NTM: variants seen among roughly 807,000 people sequenced by gnomAD.
NTM encodes the protein neurotrimin, also known as IgLON family member 2.
A neutral mutation model predicts 42.1 loss-of-function variants in NTM; 13 were observed. That is an observed-to-expected ratio of 0.31 (90% confidence interval 0.20 to 0.49). The LOEUF is 0.49. Ranked by LOEUF, NTM falls within the 20% of genes least tolerant of loss-of-function variation. The pLI is 0.99. For synonymous variants in NTM, 187 were observed against 179.2 expected (o/e 1.04, Z -0.35); for missense variants, 373 against 452.8 (o/e 0.82, Z 1.60).
rs200857259 is a variant in NTM, at chr11:131,889,786, AC to A, written c.83-21775del. Reference sequence around the variant, plus strand: ...AAACTGGGGGAAGGAAAGTACAGGAACCCAAGAGGCATGGAGCACTGTAGCG... The same window carrying A: ...AAACTGGGGGAAGGAAAGTACAGGAACCAAGAGGCATGGAGCACTGTAGCG... On this transcript the variant is annotated intron_variant, in intron 1 of 8. Transcript: ENST00000683400. Among the ~76,000 whole-genome samples the A allele has an allele frequency of 6.9e-3, 1,051 of 152,180 alleles. 12 individuals carry two copies. Among genetic ancestry groups the A allele is most frequent in the African/African-American group, 0.024 (1,004 of 41,544 alleles).
In NTM at chr11:131,849,050, G is replaced by A. The variant is rs116228697; in HGVS notation, c.83-62514G>A. ...TATAATCATTTCTCCTAATAATGAC[G>A]TGAGGCTAAATGAACTCATTACCGT... On this transcript the variant is annotated intron_variant, in intron 1 of 8. Transcript: ENST00000683400. Among the ~76,000 whole-genome samples, 441 of 152,188 alleles carry A rather than the reference G, an allele frequency of 2.9e-3. 1 individual carries two copies. The highest frequency in any genetic ancestry group is 0.01 in the African/African-American group (416 of 41,506).
intron 1 of NTM, among the ~76,000 whole-genome samples, chr11:131,671,738 A>G (rs1489428947): frequency 6.6e-6 from 1 of 152,214 alleles, no homozygotes; most frequent in Non-Finnish European, 1.5e-5. Flanking sequence ...GTGGTCGATC[A>G]AAGAAGTGGC....
intron 1 of NTM, among the ~76,000 whole-genome samples, chr11:131,789,808 T>G (rs1490337600): frequency 8.4e-5 from 11 of 131,192 alleles, no homozygotes; most frequent in Non-Finnish European, 1.7e-4. Context: ...TACAAAAAAT[T>G]AGCCGGGTGT....
chr11:131,515,986 A>G (rs183902072), intron 1 of NTM, among the ~76,000 whole-genome samples: 1 of 152,356 alleles, frequency 6.6e-6, no homozygotes, highest in Admixed American at 6.5e-5. Context: ...TTTAGAAAAT[A>G]TAAACAACTT....
intron 1 of NTM, among the ~76,000 whole-genome samples, chr11:131,496,365 T>A (rs1296608766): frequency 6.6e-6 from 1 of 152,216 alleles, no homozygotes; most frequent in Non-Finnish European, 1.5e-5. Context: ...TGGCAGCACT[T>A]CTGCAAACCC....
At chr11:131,788,891 G>T (rs1161269561) in intron 1 of NTM, among the ~76,000 whole-genome samples, 1 of 152,108 alleles carries the variant, frequency 6.6e-6, no homozygotes, top group Non-Finnish European at 1.5e-5. Flanking sequence ...TGGCCACCTG[G>T]GAAGGAAGAT....
chr11:131,617,085 G>A (rs995343571), intron 1 of NTM, among the ~76,000 whole-genome samples: 1 of 152,122 alleles, frequency 6.6e-6, no homozygotes, highest in African/African-American at 2.4e-5. Context: ...GAATTGTGGG[G>A]CTGGACGCTG....
chr11:131,958,896 A>C (rs2061834441), intron 2 of NTM, among the ~76,000 whole-genome samples: 1 of 152,210 alleles, frequency 6.6e-6, no homozygotes, highest in Admixed American at 6.5e-5. Context: ...CTAAGAAATC[A>C]CTGTGGCCTA....
At position 131,407,614 on chromosome 11, in the gene NTM, C is replaced by A. The variant is rs1452142841; in HGVS notation, c.82+36726C>A. The stretch of plus-strand genomic sequence containing the variant: ...GGGACAAAAGGCTTCCAGCACCTCC[C>A]TTGCACTCTATTTGGGCTTTGTCAT... On this transcript the variant is annotated intron_variant, in intron 1 of 8. Transcript: ENST00000683400. Among the ~76,000 whole-genome samples, 3 of 152,216 alleles carry A rather than the reference C, an allele frequency of 2.0e-5. No homozygotes were observed. The East Asian group carries it at 5.8e-4, about 29-fold the overall frequency.
Position 132,169,320 on chromosome 11 carries a change from CTTTTTTTTTTTTTTTTTTTT to C in NTM, c.400+22819_400+22838del, listed in dbSNP as rs567723794. On this transcript the variant is annotated intron_variant, in intron 3 of 8. Coordinates refer to ENST00000683400, the MANE Select transcript of NTM (RefSeq NM_001352005.2). ...GTGATATCTAGGTTTAATTTTTTTA[CTTTTTTTTTTTTTTTTTTTT>C]TTTTTTTTTTTTGGAGATGGAGTCT... Among the ~76,000 whole-genome samples, 514 of 32,494 alleles carry C rather than the reference CTTTTTTTTTTTTTTTTTTTT, an allele frequency of 0.016. 58 individuals are homozygous for C. The East Asian group carries it at 0.31, about 19-fold the overall frequency. The allele number at this position is 32,494 out of a possible 152,430, so 21.3% of individuals were successfully genotyped here. A position where few individuals can be genotyped will look rare whatever the true frequency, so the allele number is the denominator to read the frequency against.
rs575705491 is a variant in NTM at position 131,932,107 on chromosome 11, C to A, written c.167+20459C>A. ...TCAGCAAGTATCCACTCCATGCCAA[C>A]CATGTGCCAGGCACTGTTCTAGGCT... On this transcript the variant is annotated intron_variant, in intron 2 of 8. Coordinates refer to ENST00000683400, the MANE Select transcript of NTM (RefSeq NM_001352005.2). 1.2e-4 allele frequency among the ~76,000 whole-genome samples: 18 copies of A among 152,338 alleles called. No individual in the cohort carries two copies. In the South Asian group the frequency reaches 3.7e-3, roughly 32 times the overall value.
chr11:131,677,149 C>T (rs1178579461), intron 1 of NTM, among the ~76,000 whole-genome samples: 3 of 152,192 alleles, frequency 2.0e-5, no homozygotes, highest in Non-Finnish European at 4.4e-5. Flanking sequence ...CCTCAGGTCC[C>T]CGAGCCCTGC....
rs117915325 is a variant in NTM at position 131,947,695 on chromosome 11, T to C, written c.167+36047T>C. 8.8e-3 allele frequency among the ~76,000 whole-genome samples: 1,346 copies of C among 152,288 alleles called. 12 individuals carry two copies. Among genetic ancestry groups the C allele is most frequent in the Non-Finnish European group, 0.015 (1,015 of 68,020 alleles). On this transcript the variant is annotated intron_variant, in intron 2 of 8. Coordinates refer to ENST00000683400, the MANE Select transcript of NTM (RefSeq NM_001352005.2). ...CCCTCAGGGGCCTTGTTTCCTCACA[T>C]GGAAGCCAGTCAGTTACGTATATGG...
chr11:132,329,441 A>G (rs2095755439), intron 7 of NTM, among the ~76,000 whole-genome samples: 1 of 152,212 alleles, frequency 6.6e-6, no homozygotes, highest in African/African-American at 2.4e-5. Flanking sequence ...GCCTCCCAGC[A>G]TTTCTACAGG....
intron 8 of NTM, among the ~76,000 whole-genome samples, chr11:132,332,926 ATCT>A (rs1409723415): frequency 1.3e-5 from 2 of 152,122 alleles, no homozygotes; most frequent in Non-Finnish European, 2.9e-5. Flanking sequence ...TACCCAGGGC[ATCT>A]TCTTAGTCAC....
chr11:131,852,013 C>A (rs1278489169), intron 1 of NTM, among the ~76,000 whole-genome samples: 1 of 152,138 alleles, frequency 6.6e-6, no homozygotes, highest in East Asian at 1.9e-4. Context: ...GATGAGCTGG[C>A]TTCATTTCCA....
At chr11:132,247,779 T>A (rs1019521565) in intron 4 of NTM, among the ~76,000 whole-genome samples, 2 of 152,160 alleles carry the variant, frequency 1.3e-5, no homozygotes, top group Non-Finnish European at 2.9e-5. Context: ...TCCCTTCTTT[T>A]CTCTGTCTCT....
intron 1 of NTM, among the ~76,000 whole-genome samples, chr11:131,861,847 G>C (rs1414443369): frequency 6.6e-6 from 1 of 152,178 alleles, no homozygotes; most frequent in Non-Finnish European, 1.5e-5. Context: ...TCTGAGACTA[G>C]TGAACACTAG....
intron 3 of NTM, among the ~76,000 whole-genome samples, chr11:132,209,789 G>A (rs1316700388): frequency 6.6e-6 from 1 of 152,138 alleles, no homozygotes; most frequent in Non-Finnish European, 1.5e-5. Context: ...AGAGAAGAGT[G>A]TAAGCACTGA....
Sources: gnomAD v4.1 joint callset for allele counts (sites outside exome capture counted in the v4.1 genomes callset) on GRCh38, gnomAD v4.1.1 for gene constraint, MANE v1.5 for transcripts, NCBI Gene and HGNC (gene_info 2026-07-23, HGNC 2026-07-21) for gene names.